The following DCC variants were observed in gnomAD, a reference collection of about 807,000 sequenced individuals.
DCC encodes the protein DCC netrin 1 receptor, also known as netrin receptor DCC.
Under a neutral mutation model 172.5 loss-of-function variants are expected in DCC, and 58 were observed. That is an observed-to-expected ratio of 0.34 (90% confidence interval 0.27 to 0.42). DCC has a LOEUF of 0.42. Ranked by LOEUF, DCC falls within the 10% of genes least tolerant of loss-of-function variation. The probability of loss-of-function intolerance (pLI) is 1.00; values close to 1 mark genes in which losing one functional copy is unlikely to be tolerated. For missense variants in DCC, 1,740 were observed against 1,791.0 expected (o/e 0.97, Z 0.51); for synonymous variants, 709 against 644.5 (o/e 1.10, Z -1.52).
chr18:52,367,202 G>A (rs1479067663), intron 1 of DCC, among the ~76,000 whole-genome samples: 3 of 122,524 alleles, frequency 2.4e-5, no homozygotes, highest in Admixed American at 7.7e-5. Flanking sequence ...CTCTGAGTGC[G>A]GGGCCCGCCA....
intron 2 of DCC, among the ~76,000 whole-genome samples, chr18:52,871,142 C>T (rs2039312143): frequency 6.6e-6 from 1 of 152,132 alleles, no homozygotes. Flanking sequence ...AAGTGTGCTG[C>T]TTAAAATCTT....
chr18:52,666,235 G>C (rs542825409), intron 1 of DCC, among the ~76,000 whole-genome samples: 1 of 151,982 alleles, frequency 6.6e-6, no homozygotes, highest in African/African-American at 2.4e-5. Context: ...CGGAGGTTGC[G>C]GTGAGCCAAG....
chr18:52,779,199 GA>G (rs1166332728), intron 2 of DCC, among the ~76,000 whole-genome samples: 1 of 152,036 alleles, frequency 6.6e-6, no homozygotes, highest in East Asian at 1.9e-4. Context: ...TACATGTGCA[GA>G]ACATGCAGGT....
At chr18:52,376,995 C>T (rs201425872) in intron 1 of DCC, among the ~76,000 whole-genome samples, 2 of 152,130 alleles carry the variant, frequency 1.3e-5, no homozygotes, top group East Asian at 1.9e-4. Context: ...GCCTATCACC[C>T]GTTGTTTCTA....
intron 9 of DCC, among the ~76,000 whole-genome samples, chr18:53,181,943 C>A (rs184314439): frequency 1.2e-3 from 180 of 152,324 alleles, no homozygotes; most frequent in African/African-American, 3.7e-3. Context: ...ATACTGCATC[C>A]ACCTCCTCAA....
chr18:52,379,029 A>G (rs1015232807), intron 1 of DCC, among the ~76,000 whole-genome samples: 1 of 152,184 alleles, frequency 6.6e-6, no homozygotes, highest in African/African-American at 2.4e-5. Flanking sequence ...GGGGACAGAA[A>G]AATGAATGAA....
chr18:52,481,900 A>C (rs975712366), intron 1 of DCC, among the ~76,000 whole-genome samples: 8 of 152,052 alleles, frequency 5.3e-5, no homozygotes, highest in Non-Finnish European at 7.4e-5. Flanking sequence ...AATTATATTT[A>C]TTTCATTAAA....
chr18:52,948,334 G>A (rs1046292528), intron 5 of DCC, among the ~76,000 whole-genome samples: 3 of 146,002 alleles, frequency 2.1e-5, no homozygotes, highest in African/African-American at 5.1e-5. Context: ...GTGTGTGTGT[G>A]TCTTATTTCC....
intron 24 of DCC, among the ~76,000 whole-genome samples, chr18:53,467,487 T>A (rs903852442): frequency 1.3e-5 from 2 of 152,128 alleles, no homozygotes; most frequent in African/African-American, 2.4e-5. Flanking sequence ...TCTAGTAAAT[T>A]AATATAGTGG....
intron 1 of DCC, among the ~76,000 whole-genome samples, chr18:52,739,575 TTC>T (rs2036784011): frequency 6.6e-6 from 1 of 152,174 alleles, no homozygotes; most frequent in Admixed American, 6.5e-5. Flanking sequence ...GTCACTGCTA[TTC>T]AGTGAAGACT....
Position 53,391,823 on chromosome 18 carries a change from C to T in DCC, c.2624C>T (p.Thr875Met), listed in dbSNP as rs747051148. The change falls in exon 17 of 29, where the codon ACG becomes ATG. Residue 875 changes from threonine (T) to methionine (M), a missense_variant. Thr to Met is a moderately conservative substitution (Grantham distance 81). Coordinates refer to ENST00000442544, the MANE Select transcript of DCC (RefSeq NM_005215.4). ...AACTCTGTCCCTAAGAACCAAAAGA[C>T]GTCTGAGGTGCGACTTTACACCGTC... ...ADNSVPKNQKTSEVRLYTVRW... is the reference protein window; with the variant it reads ...ADNSVPKNQKMSEVRLYTVRW... 50 of 1,613,862 alleles carry T rather than the reference C, an allele frequency of 3.1e-5. No homozygotes were observed. Among genetic ancestry groups the T allele is most frequent in the Middle Eastern group, 1.6e-4 (1 of 6,084 alleles).
intron 7 of DCC, among the ~76,000 whole-genome samples, chr18:53,127,043 C>G (rs2043568253): frequency 6.6e-6 from 1 of 151,614 alleles, no homozygotes; most frequent in Admixed American, 6.6e-5. Flanking sequence ...TCAGACTGAA[C>G]ACATATTAGA....
intron 21 of DCC, among the ~76,000 whole-genome samples, chr18:53,424,879 C>T (rs1319311803): frequency 6.6e-6 from 1 of 152,134 alleles, no homozygotes; most frequent in Admixed American, 6.5e-5. Context: ...AGTTCTGGGG[C>T]TTTCCTACTT....
At chr18:53,083,771 T>C (rs1261856986) in intron 7 of DCC, among the ~76,000 whole-genome samples, 2 of 152,198 alleles carry the variant, frequency 1.3e-5, no homozygotes, top group Non-Finnish European at 2.9e-5. Flanking sequence ...ATTTCCTTAC[T>C]ATGTTTCCAG....
chr18:52,953,428 A>C (rs926343951), intron 5 of DCC, among the ~76,000 whole-genome samples: 3 of 152,076 alleles, frequency 2.0e-5, no homozygotes, highest in African/African-American at 7.2e-5. Context: ...CTCCCACAGG[A>C]TATATTGGGT....
At chr18:53,294,351 G>A (rs2057041472) in intron 12 of DCC, among the ~76,000 whole-genome samples, 1 of 152,184 alleles carries the variant, frequency 6.6e-6, no homozygotes, top group Non-Finnish European at 1.5e-5. Context: ...AAGAAGTGAG[G>A]TGATGAAGGC....
chr18:52,579,901 A>G (rs1402716671), intron 1 of DCC, among the ~76,000 whole-genome samples: 1 of 152,250 alleles, frequency 6.6e-6, no homozygotes, highest in Non-Finnish European at 1.5e-5. Context: ...ATCACCCTAG[A>G]AAATTGTACT....
chr18:52,510,859 T>C (rs1043330017), intron 1 of DCC, among the ~76,000 whole-genome samples: 8 of 152,050 alleles, frequency 5.3e-5, no homozygotes, highest in Non-Finnish European at 1.0e-4. Flanking sequence ...TGAACTCAGC[T>C]CCTCTCTTAA....
intron 5 of DCC, among the ~76,000 whole-genome samples, chr18:52,951,391 C>A (rs2040644091): frequency 6.6e-6 from 1 of 152,020 alleles, no homozygotes; most frequent in South Asian, 2.1e-4. Context: ...GGTTTTAAGC[C>A]CTGCATGCAT....
Sources: allele counts gnomAD v4.1 joint callset (sites outside exome capture counted in the v4.1 genomes callset), GRCh38; gene constraint gnomAD v4.1.1; transcripts MANE v1.5; gene names NCBI Gene and HGNC (gene_info 2026-07-23, HGNC 2026-07-21).